Variants in RBFOX1 observed in about 807,000 individuals in gnomAD.
The protein encoded by RBFOX1 is RNA binding protein fox-1 homolog 1.
Under a neutral mutation model 57.7 loss-of-function variants are expected in RBFOX1, and 8 were observed. The ratio of observed to expected loss-of-function variants is 0.14; its 90% confidence interval spans 0.08 to 0.25. The LOEUF (loss-of-function observed/expected upper bound fraction) is 0.25. RBFOX1 is among the 10% of genes least tolerant of loss of function. The pLI is 1.00. For missense variants in RBFOX1, 611 were observed against 548.5 expected (o/e 1.11, Z -1.14); for synonymous variants, 326 against 222.4 (o/e 1.47, Z -4.15).
intron 4 of RBFOX1, among the ~76,000 whole-genome samples, chr16:7,192,301 G>C (rs534382482): frequency 1.3e-5 from 2 of 152,168 alleles, no homozygotes; most frequent in Admixed American, 1.3e-4. Flanking sequence ...TGACGTTAGG[G>C]AAAATGTCAT....
intron 14 of RBFOX1, among the ~76,000 whole-genome samples, chr16:7,682,005 C>G (rs1263168659): frequency 2.0e-5 from 3 of 152,152 alleles, no homozygotes; most frequent in African/African-American, 4.8e-5. Context: ...TGGCACCTGC[C>G]TTTGATGGCA....
intron 5 of RBFOX1, among the ~76,000 whole-genome samples, chr16:7,521,148 C>G (rs960599917): frequency 6.6e-6 from 1 of 152,102 alleles, no homozygotes; most frequent in Non-Finnish European, 1.5e-5. Context: ...GGTGGTAAGA[C>G]AAAGCAGCCC....
chr16:5,680,473 A>G (rs571383592), intron 3 of RBFOX1, among the ~76,000 whole-genome samples: 1 of 152,316 alleles, frequency 6.6e-6, no homozygotes, highest in African/African-American at 2.4e-5. Flanking sequence ...TCCTCTTTAA[A>G]GACTGAGACT....
At chr16:5,315,950 T>C (rs1189059147) in intron 1 of RBFOX1, among the ~76,000 whole-genome samples, 1 of 152,134 alleles carries the variant, frequency 6.6e-6, no homozygotes, top group African/African-American at 2.4e-5. Flanking sequence ...GACAGAACTT[T>C]TGACAGGTGC....
intron 1 of RBFOX1, among the ~76,000 whole-genome samples, chr16:6,226,948 A>C (rs2097422699): frequency 7.1e-6 from 1 of 140,710 alleles, no homozygotes; most frequent in Non-Finnish European, 1.6e-5. Flanking sequence ...ATCTCTACTA[A>C]AAAAAAAAAA....
At chr16:6,114,258 C>T (rs1178891231) in intron 1 of RBFOX1, among the ~76,000 whole-genome samples, 2 of 152,178 alleles carry the variant, frequency 1.3e-5, no homozygotes, top group Non-Finnish European at 2.9e-5. Flanking sequence ...GATCTCTCAT[C>T]TGATTTCAGT....
At chr16:7,261,516 A>G (rs748028091) in intron 4 of RBFOX1, among the ~76,000 whole-genome samples, 1 of 152,136 alleles carries the variant, frequency 6.6e-6, no homozygotes, top group East Asian at 1.9e-4. Context: ...CTTGATCAGC[A>G]TAGGAGATAA....
intron 1 of RBFOX1, among the ~76,000 whole-genome samples, chr16:6,035,876 T>A (rs1041927014): frequency 2.6e-5 from 4 of 152,238 alleles, no homozygotes; most frequent in African/African-American, 9.6e-5. Flanking sequence ...ATTTTTCAGT[T>A]ACTCTGAGAA....
At chr16:5,398,544 A>G (rs888842565) in intron 1 of RBFOX1, among the ~76,000 whole-genome samples, 5 of 151,586 alleles carry the variant, frequency 3.3e-5, no homozygotes, top group Non-Finnish European at 7.4e-5. Flanking sequence ...GTTTACATGC[A>G]CGAGTTCGTG....
chr16:5,478,599 C>T (rs1435951738), intron 2 of RBFOX1, among the ~76,000 whole-genome samples: 2 of 152,152 alleles, frequency 1.3e-5, no homozygotes, highest in South Asian at 2.1e-4. Flanking sequence ...TCTAATATGA[C>T]CCCCCAAGAT....
At chr16:5,702,601 G>A (rs991315679) in intron 3 of RBFOX1, among the ~76,000 whole-genome samples, 1 of 152,178 alleles carries the variant, frequency 6.6e-6, no homozygotes, top group African/African-American at 2.4e-5. Flanking sequence ...ATACTTCCCT[G>A]GTTGTTTTTG....
chr16:5,507,199 C>G (rs570420167), intron 2 of RBFOX1, among the ~76,000 whole-genome samples: 6 of 152,148 alleles, frequency 3.9e-5, no homozygotes, highest in Non-Finnish European at 8.8e-5. Context: ...TGCCTGGCAC[C>G]GAATAAGCAA....
rs144822284 is a variant in RBFOX1, at chr16:6,403,995, C to G, written c.-64+86938C>G. ...ACCAGAATCCAACCATGCTGGCACT[C>G]CAATATCAAACTTCCAGCCTCCAGA... is the stretch of plus-strand genomic sequence containing the variant. On this transcript the variant is annotated intron_variant, in intron 2 of 15. Coordinates refer to ENST00000550418, the MANE Select transcript of RBFOX1 (RefSeq NM_018723.4). 1.8e-3 allele frequency among the ~76,000 whole-genome samples: 267 copies of G among 152,208 alleles called. 3 individuals carry two copies. The highest frequency in any genetic ancestry group is 0.012 in the Admixed American group (185 of 15,278).
intron 2 of RBFOX1, among the ~76,000 whole-genome samples, chr16:5,540,592 G>A (rs2044892328): frequency 6.6e-6 from 1 of 152,160 alleles, no homozygotes; most frequent in Non-Finnish European, 1.5e-5. Context: ...TCAAATTGTG[G>A]CTCATGAACT....
chr16:5,929,384 TCATG>T (rs1171727218), intron 4 of RBFOX1, among the ~76,000 whole-genome samples: 1 of 152,134 alleles, frequency 6.6e-6, no homozygotes, highest in African/African-American at 2.4e-5. Flanking sequence ...TGTCTGAGAA[TCATG>T]GTTCTGGAAA....
intron 2 of RBFOX1, among the ~76,000 whole-genome samples, chr16:5,557,736 G>C (rs1706255691): frequency 1.3e-5 from 2 of 152,204 alleles, no homozygotes; most frequent in Admixed American, 1.3e-4. Context: ...GTGGTACCCA[G>C]GTGGGGCAAA....
At chr16:6,619,168 AG>A (rs1339474075) in intron 2 of RBFOX1, among the ~76,000 whole-genome samples, 5 of 142,184 alleles carry the variant, frequency 3.5e-5, no homozygotes, top group African/African-American at 1.3e-4. Context: ...GCCAGGAAGG[AG>A]AAAAAAAAAA....
At chr16:7,504,724 TATATATATATATATATATATATATATATA>T (rs1567552958) in intron 4 of RBFOX1, among the ~76,000 whole-genome samples, 6 of 9,716 alleles carry the variant, frequency 6.2e-4, no homozygotes, top group South Asian at 3.7e-3. Context: ...TATATATATA[TATATATATATATATATATATATATATATA>T]TTTATATATA....
At chr16:6,641,904 A>T (rs1167206063) in intron 2 of RBFOX1, among the ~76,000 whole-genome samples, 1 of 151,930 alleles carries the variant, frequency 6.6e-6, no homozygotes, top group Non-Finnish European at 1.5e-5. Flanking sequence ...CACACCACTG[A>T]CCCAGTTAGG....
Sources: gnomAD v4.1 joint callset for allele counts (sites outside exome capture counted in the v4.1 genomes callset) on GRCh38, gnomAD v4.1.1 for gene constraint, MANE v1.5 for transcripts, NCBI Gene and HGNC (gene_info 2026-07-23, HGNC 2026-07-21) for gene names.